TECTA: variants seen among roughly 807,000 people sequenced by gnomAD.
TECTA encodes tectorin alpha.
In TECTA, 128 loss-of-function variants were observed where a neutral mutation model predicts 216.8. The ratio of observed to expected loss-of-function variants is 0.59; its 90% CI spans 0.51 to 0.68. TECTA has a LOEUF of 0.68. Among genes scored for constraint, TECTA ranks in the 30% least tolerant of loss-of-function variants. The pLI is 0.00. For missense variants in TECTA, 2,551 were observed against 2,786.2 expected, an observed-to-expected ratio of 0.92 and a Z score of 1.90; for synonymous variants, 1,089 against 1,117.1, an observed-to-expected ratio of 0.97 and a Z score of 0.50.
rs896046151 is a variant in TECTA at position 121,160,357 on chromosome 11, G to C, written c.4912G>C (p.Gly1638Arg). The C allele has an allele frequency of 4.3e-6, 7 of 1,613,824 alleles. No homozygotes were observed. In the African/African-American group the frequency reaches 6.7e-5, roughly 15 times the overall value. Residue 1638 changes from glycine to arginine, a missense_variant, in exon 15 of 24, where the codon GGG becomes CGG. Physicochemically the swap from Gly to Arg is moderately radical, Grantham distance 125 (BLOSUM62 -2). Coordinates refer to ENST00000392793, the MANE Select transcript of TECTA (RefSeq NM_005422.4). ...DLTDDYVTLRGKPVVSSVVLA... is the reference protein window; with the variant it reads ...DLTDDYVTLRRKPVVSSVVLA... ...AACAGATGATTATGTGACCTTGCGA[G>C]GGAAGCCGGTGGTAAGCAGCGTGGT...
In TECTA at chr11:121,160,213, A is replaced by G. The variant is rs773557825; in HGVS notation, c.4768A>G (p.Ile1590Val). The G allele has an allele frequency of 4.3e-6, 7 of 1,614,078 alleles. No homozygotes were observed. Among genetic ancestry groups the G allele is most frequent in the Admixed American group, 1.7e-5 (1 of 59,994 alleles). Reference protein sequence around the residue: ...KIYSSEGFLVIDTSPDIQIYY... With the variant: ...KIYSSEGFLVVDTSPDIQIYY... ...CTACAGCAGTGAGGGGTTTCTGGTG[A>G]TTGACACCAGCCCAGACATCCAGAT... The change falls in exon 15 of 24, where the codon ATT becomes GTT. Residue 1590 changes from isoleucine (I) to valine (V), a missense_variant. Physicochemically the swap from Ile to Val is conservative, Grantham distance 29. Around this residue, in one of 3 missense-constraint regions of TECTA, gnomAD observed 2,375 missense variants for 2,563.9 expected, o/e 0.93. Transcript: ENST00000392793.
intron 21 of TECTA, among the ~76,000 whole-genome samples, 182 bp downstream of exon 21, chr11:121,188,176 T>A (rs1299179253): frequency 3.9e-5 from 6 of 152,208 alleles, no homozygotes; most frequent in Non-Finnish European, 2.9e-5. Flanking sequence ...TACTCTTCTA[T>A]CTCTGAATTG....
At chr11:121,189,198 T>C (rs756008894) in intron 22 of TECTA, 31 bp downstream of exon 22, 1 of 1,604,692 alleles carries the variant, frequency 6.2e-7, no homozygotes, top group South Asian at 1.1e-5. Context: ...ACACCCTAAA[T>C]TATTAAAACA....
In TECTA at chr11:121,157,919, C is replaced by T. The variant is rs727503462; in HGVS notation, c.4384C>T (p.Arg1462Cys). The T allele has an allele frequency of 1.9e-6, 3 of 1,614,056 alleles. No individual in the cohort carries two copies. The African/African-American group carries it at 4.0e-5, about 22-fold the overall frequency. Residue 1462 changes from arginine to cysteine, a missense_variant, in exon 14 of 24, where the codon CGC (arginine) becomes TGC (cysteine). Coordinates refer to ENST00000392793, the MANE Select transcript of TECTA (RefSeq NM_005422.4). ...TCGCAACGTGATTCAGTGCGACCCG[C>T]GCCAATGCAAGTCAGACGAGGAGTG... ...FRRNVIQCDP[R>C]QCKSDEECAL...
At chr11:121,178,822 T>C (rs1947196797) in intron 20 of TECTA, among the ~76,000 whole-genome samples, 1 of 152,158 alleles carries the variant, frequency 6.6e-6, no homozygotes. Context: ...GATTCAACCT[T>C]GGTAGGTTGT....
rs761374304 is a variant in TECTA at position 121,137,910 on chromosome 11, C to G, written c.3431C>G (p.Thr1144Arg). The G allele has an allele frequency of 6.2e-7, 1 of 1,602,824 alleles. No individual in the cohort carries two copies. The highest frequency in any genetic ancestry group is 1.7e-5 in the Admixed American group (1 of 59,810). Residue 1144 changes from threonine (T) to arginine (R), a missense_variant, in exon 11 of 24, where the codon ACA (threonine) becomes AGA (arginine). Transcript: ENST00000392793. The stretch of plus-strand genomic sequence containing the variant: ...GACTCTTTCCCCAAGTTTGTTGTCA[C>G]AGCCAAGAATGAGGACCGGGACCCG... ...SSDSFPKFVV[T>R]AKNEDRDPSL...
At position 121,171,719 on chromosome 11, in the gene TECTA, A is replaced by G. The variant is rs894412907; in HGVS notation, c.5999+2794A>G. Among the ~76,000 whole-genome samples the G allele has an allele frequency of 1.2e-4, 19 of 152,128 alleles. No homozygotes were observed. In the East Asian group the frequency reaches 2.5e-3, roughly 20 times the overall value. On this transcript the variant is annotated intron_variant, in intron 20 of 23. Coordinates refer to ENST00000392793, the MANE Select transcript of TECTA (RefSeq NM_005422.4). ...TCTTGATTTATTTTGCTGCTAGTTC[A>G]TTATTGGTGTATAAAAATGCTACTG...
intron 8 of TECTA, among the ~76,000 whole-genome samples, chr11:121,126,709 A>T (rs910119490): frequency 1.3e-5 from 2 of 152,214 alleles, no homozygotes; most frequent in African/African-American, 4.8e-5. Flanking sequence ...TCCCATCAGT[A>T]TAAGTTGGAG....
At chr11:121,144,484 A>G (rs1187055470) in intron 11 of TECTA, among the ~76,000 whole-genome samples, 1 of 152,226 alleles carries the variant, frequency 6.6e-6, no homozygotes, top group African/African-American at 2.4e-5. Flanking sequence ...ATTTCTGGTC[A>G]GAGAACAATC....
chr11:121,130,729 G>C (rs960446425), intron 10 of TECTA, among the ~76,000 whole-genome samples: 1 of 152,196 alleles, frequency 6.6e-6, no homozygotes, highest in Non-Finnish European at 1.5e-5. Context: ...GCAAGTACTA[G>C]TAGTAATTAG....
chr11:121,160,324 G>A lies in TECTA; in HGVS notation c.4879G>A (p.Gly1627Arg), dbSNP rs754784487. 1.7e-5 allele frequency: 27 copies of A among 1,614,012 alleles called. No homozygotes were observed. The highest frequency in any genetic ancestry group is 6.7e-5 in the African/African-American group (5 of 74,920). ...KVCGLCGNFN[G>R]DLTDDYVTLR... ...GTGCGGTCTCTGTGGCAACTTCAAC[G>A]GGGACCTAACAGATGATTATGTGAC... Residue 1627 changes from glycine to arginine, a missense_variant, in exon 15 of 24, where the codon GGG (glycine) becomes AGG (arginine). Gly to Arg is a moderately radical substitution (Grantham distance 125). This residue lies in a region of TECTA where 2,375 missense variants were observed against 2,563.9 expected (regional missense o/e 0.93). Coordinates refer to ENST00000392793, the MANE Select transcript of TECTA (RefSeq NM_005422.4).
intron 12 of TECTA, among the ~76,000 whole-genome samples, chr11:121,149,504 C>T (rs779081644): frequency 1.6e-4 from 25 of 152,142 alleles, no homozygotes; most frequent in African/African-American, 4.8e-4. Context: ...AGGAGCTTTA[C>T]GAATTATATC....
intron 21 of TECTA, among the ~76,000 whole-genome samples, chr11:121,188,557 G>A (rs1185672283): frequency 6.6e-6 from 1 of 152,216 alleles, no homozygotes; most frequent in African/African-American, 2.4e-5. Flanking sequence ...TGGAGGGGGT[G>A]AGGGATGAGG....
intron 15 of TECTA, among the ~76,000 whole-genome samples, chr11:121,161,707 T>C (rs951172479): frequency 6.6e-6 from 1 of 151,364 alleles, no homozygotes; most frequent in Non-Finnish European, 1.5e-5. Flanking sequence ...GTATCATTAC[T>C]ATTATCATTG....
intron 4 of TECTA, among the ~76,000 whole-genome samples, chr11:121,111,219 T>G (rs993820198): frequency 2.6e-5 from 4 of 152,134 alleles, no homozygotes; most frequent in African/African-American, 9.7e-5. Flanking sequence ...CCCAAAATGT[T>G]CCCGGACAAG....
chr11:121,165,970 G>A (rs1485127333), intron 17 of TECTA, among the ~76,000 whole-genome samples: 2 of 152,172 alleles, frequency 1.3e-5, no homozygotes, highest in Admixed American at 1.3e-4. Context: ...AACAGCATTC[G>A]GGAATGAAAA....
Position 121,113,253 on chromosome 11 carries a change from C to T in TECTA, c.624+44C>T. ...CATCCCCCGCGTGTTTCCGTCGCTG[C>T]ACTCTCTGCTTCTGTGGCTCAGCAT... On this transcript the variant is annotated intron_variant, in intron 5 of 23. Coordinates refer to ENST00000392793, the MANE Select transcript of TECTA (RefSeq NM_005422.4). The surrounding 1 kb of genome is among the most constrained non-coding windows in gnomAD (Gnocchi z 4.2). 1 of 1,613,082 alleles carries T rather than the reference C, an allele frequency of 6.2e-7. No homozygotes were observed. The highest frequency in any genetic ancestry group is 8.5e-7 in the Non-Finnish European group (1 of 1,179,970).
At position 121,137,552 on chromosome 11, in the gene TECTA, C is replaced by G; in HGVS notation, c.3073C>G (p.Leu1025Val). The change falls in exon 11 of 24, where the codon CTA (leucine) becomes GTA (valine). Residue 1025 changes from leucine to valine, a missense_variant. By Grantham distance (32) the Leu-to-Val change is conservative (BLOSUM62 1). This residue lies in a region of TECTA where 2,375 missense variants were observed against 2,563.9 expected (regional missense o/e 0.93). Coordinates refer to ENST00000392793, the MANE Select transcript of TECTA (RefSeq NM_005422.4). ...ATGTCAGTGTGATGAGGGCTATGCT[C>G]TACTGGGCAGCCAGTGTGTCACGCG... ...EGCQCDEGYA[L>V]LGSQCVTRSE... 1.9e-6 allele frequency: 3 copies of G among 1,613,930 alleles called. No individual in the cohort carries two copies. Among genetic ancestry groups the G allele is most frequent in the Non-Finnish European group, 8.5e-7 (1 of 1,179,988 alleles).
intron 11 of TECTA, among the ~76,000 whole-genome samples, chr11:121,144,077 T>C (rs887179526): frequency 3.9e-5 from 6 of 152,166 alleles, no homozygotes; most frequent in Non-Finnish European, 8.8e-5. Context: ...TCCTTCACAC[T>C]CACGGCACAG....
Sources: gnomAD v4.1 joint callset for allele counts (sites outside exome capture counted in the v4.1 genomes callset) on GRCh38, gnomAD v4.1.1 for gene constraint, gnomAD v4.1.1 regional missense constraint, Gnocchi (gnomAD v3.1) non-coding constraint, MANE v1.5 for transcripts, NCBI Gene and HGNC (gene_info 2026-07-23, HGNC 2026-07-21) for gene names.